NRBF2: variants seen among roughly 807,000 people sequenced by gnomAD.
The protein encoded by NRBF2 is nuclear receptor binding factor 2.
A neutral mutation model predicts 28.5 loss-of-function variants in NRBF2; 12 were observed. The ratio of observed to expected loss-of-function variants is 0.42; its 90% CI spans 0.27 to 0.68. NRBF2 has a LOEUF of 0.68. Among genes scored for constraint, NRBF2 ranks in the 30% least tolerant of loss-of-function variants. The pLI is 0.24. For missense variants in NRBF2, 274 were observed against 333.5 expected, an observed-to-expected ratio of 0.82 and a Z score of 1.39; for synonymous variants, 102 against 116.5, an observed-to-expected ratio of 0.88 and a Z score of 0.80.
intron 1 of NRBF2, among the ~76,000 whole-genome samples, chr10:63,140,762 G>A (rs1338774576): frequency 2.0e-5 from 3 of 151,076 alleles, no homozygotes; most frequent in Non-Finnish European, 4.4e-5. Context: ...GTGCAGTGGC[G>A]CAATCTCGGC....
At chr10:63,142,465 G>A (rs1589018112) in intron 1 of NRBF2, among the ~76,000 whole-genome samples, 1 of 151,772 alleles carries the variant, frequency 6.6e-6, no homozygotes, top group South Asian at 2.1e-4. Context: ...CACCATGCCC[G>A]GCCTTTTAGA....
chr10:63,151,770 A>T (rs1841653461), intron 2 of NRBF2, among the ~76,000 whole-genome samples: 1 of 152,220 alleles, frequency 6.6e-6, no homozygotes, highest in Middle Eastern at 3.2e-3. Context: ...GATTCCAGGT[A>T]TTCAGACGGA....
intron 1 of NRBF2, among the ~76,000 whole-genome samples, chr10:63,143,427 A>T (rs1425608089): frequency 6.6e-6 from 1 of 152,178 alleles, no homozygotes; most frequent in Non-Finnish European, 1.5e-5. Context: ...AAAGCATCCA[A>T]GACAAATCAT....
chr10:63,146,614 T>C (rs943294354), intron 2 of NRBF2, among the ~76,000 whole-genome samples: 7 of 152,226 alleles, frequency 4.6e-5, no homozygotes, highest in African/African-American at 9.6e-5. Flanking sequence ...GGGTTTCAAA[T>C]AGTTGGCCAT....
rs1841692859 is a variant in NRBF2, at chr10:63,154,063, G to A, written c.709G>A (p.Ala237Thr). 1 of 1,613,476 alleles carries A rather than the reference G, an allele frequency of 6.2e-7. No individual in the cohort carries two copies. Among genetic ancestry groups the A allele is most frequent in the Non-Finnish European group, 8.5e-7 (1 of 1,179,864 alleles). The change falls in exon 4 of 4, where the codon GCT (alanine) becomes ACT (threonine). Residue 237 changes from alanine (A) to threonine (T), a missense_variant. Coordinates refer to ENST00000277746, the MANE Select transcript of NRBF2 (RefSeq NM_030759.5). ...GAGCTTGCCACCACATGCAGAAACT[G>A]CTACAGCCTCCTCAACCTGGCAGAA... Reference protein sequence around the residue: ...LWSLPPHAETATASSTWQKFA... With the variant: ...LWSLPPHAETTTASSTWQKFA...
chr10:63,133,482 G>C lies in NRBF2; in HGVS notation c.12G>C (p.Met4Ile). Residue 4 changes from methionine (M) to isoleucine (I), a missense_variant, in exon 1 of 4, where the codon ATG becomes ATC. Physicochemically the swap from Met to Ile is conservative, Grantham distance 10. Coordinates refer to ENST00000277746, the MANE Select transcript of NRBF2 (RefSeq NM_030759.5). The stretch of plus-strand genomic sequence containing the variant: ...TTACCCCGGGGTCTATGGAAGTAAT[G>C]GAAGGACCCCTCAACCTGGTGAGTG... MEV[M>I]EGPLNLAHQQ... The C allele has an allele frequency of 3.7e-6, 6 of 1,611,344 alleles. No homozygotes were observed. Among genetic ancestry groups the C allele is most frequent in the Non-Finnish European group, 5.1e-6 (6 of 1,178,466 alleles).
At chr10:63,142,175 A>C (rs7920939) in intron 1 of NRBF2, among the ~76,000 whole-genome samples, 93 of 152,336 alleles carry the variant, frequency 6.1e-4, no homozygotes, top group African/African-American at 2.2e-3. Flanking sequence ...GTTAGAATGA[A>C]GTAACCTGAA....
intron 1 of NRBF2, among the ~76,000 whole-genome samples, chr10:63,136,559 A>G (rs906489761): frequency 1.5e-4 from 23 of 152,248 alleles, no homozygotes; most frequent in Admixed American, 6.5e-4. Context: ...CATCCTCGGA[A>G]CTTAGTAAGG....
At position 63,133,335 on chromosome 10, in the gene NRBF2, C is replaced by A; in HGVS notation, c.-136C>A. Reference sequence around the variant, plus strand: ...GGAAGTGGTGAGGTTGTTGCTCCTTCAGCGCCTATCGCTGGCTCTTGGGGC... The same window carrying A: ...GGAAGTGGTGAGGTTGTTGCTCCTTAAGCGCCTATCGCTGGCTCTTGGGGC... On this transcript the variant is annotated 5_prime_UTR_variant, in exon 1 of 4. Coordinates refer to ENST00000277746, the MANE Select transcript of NRBF2 (RefSeq NM_030759.5). 9.7e-7 allele frequency: 1 copy of A among 1,032,468 alleles called. No individual in the cohort carries two copies. Among genetic ancestry groups the A allele is most frequent in the South Asian group, 1.4e-5 (1 of 74,034 alleles). The allele number at this position is 1,032,468 out of a possible 1,614,324, so 64.0% of individuals were successfully genotyped here.
intron 2 of NRBF2, among the ~76,000 whole-genome samples, chr10:63,149,942 ATTTT>A (rs60700597): frequency 7.5e-6 from 1 of 133,358 alleles, no homozygotes. Flanking sequence ...GTCTCCACAG[ATTTT>A]TTTTTTTTTT....
Position 63,153,908 on chromosome 10 carries a change from T to G in NRBF2, c.554T>G (p.Leu185Arg). ...GATTTGAAGAGGCATGTGGAATTCC[T>G]TGTGGCTGAGAATGAAAGATTAAGG... The part of the protein sequence containing the change: ...IADLKRHVEF[L>R]VAENERLRKE... Residue 185 changes from leucine (L) to arginine (R), a missense_variant, in exon 4 of 4, where the codon CTT (leucine) becomes CGT (arginine). By Grantham distance (102) the Leu-to-Arg change is moderately radical. Coordinates refer to ENST00000277746, the MANE Select transcript of NRBF2 (RefSeq NM_030759.5). 1 of 1,611,998 alleles carries G rather than the reference T, an allele frequency of 6.2e-7. No individual in the cohort carries two copies. Among genetic ancestry groups the G allele is most frequent in the Non-Finnish European group, 8.5e-7 (1 of 1,179,820 alleles).
At chr10:63,141,096 T>C (rs1467216157) in intron 1 of NRBF2, among the ~76,000 whole-genome samples, 1 of 152,162 alleles carries the variant, frequency 6.6e-6, no homozygotes, top group Non-Finnish European at 1.5e-5. Flanking sequence ...GTTTTAAAAA[T>C]GAGAAGCACC....
At position 63,133,484 on chromosome 10, in the gene NRBF2, A is replaced by T; in HGVS notation, c.14A>T (p.Glu5Val). 2.5e-6 allele frequency: 4 copies of T among 1,611,188 alleles called. No homozygotes were observed. The highest frequency in any genetic ancestry group is 3.4e-6 in the Non-Finnish European group (4 of 1,178,410). The change falls in exon 1 of 4, where the codon GAA (glutamate) becomes GTA (valine). Residue 5 changes from glutamate to valine, a missense_variant. Transcript: ENST00000277746. Reference sequence around the variant, plus strand: ...ACCCCGGGGTCTATGGAAGTAATGGAAGGACCCCTCAACCTGGTGAGTGTC... The same window carrying T: ...ACCCCGGGGTCTATGGAAGTAATGGTAGGACCCCTCAACCTGGTGAGTGTC... MEVM[E>V]GPLNLAHQQS...
chr10:63,143,398 C>A (rs570466335), intron 1 of NRBF2, among the ~76,000 whole-genome samples: 1 of 152,182 alleles, frequency 6.6e-6, no homozygotes, highest in African/African-American at 2.4e-5. Context: ...TATGCAGCAT[C>A]AAAGGGACAT....
intron 1 of NRBF2, among the ~76,000 whole-genome samples, chr10:63,143,268 A>G (rs1047625382): frequency 1.3e-5 from 2 of 152,186 alleles, no homozygotes; most frequent in African/African-American, 4.8e-5. Flanking sequence ...ACAGCAAGGC[A>G]TTGCTGGAAG....
chr10:63,140,858 G>C (rs955632163), intron 1 of NRBF2, among the ~76,000 whole-genome samples: 1 of 151,998 alleles, frequency 6.6e-6, no homozygotes, highest in Non-Finnish European at 1.5e-5. Flanking sequence ...GCGCCACCAT[G>C]TCTGGCTAAT....
intron 2 of NRBF2, among the ~76,000 whole-genome samples, chr10:63,146,907 C>G (rs570862175): frequency 2.4e-4 from 37 of 152,192 alleles, no homozygotes; most frequent in Non-Finnish European, 4.6e-4. Context: ...AGTCAAGCAA[C>G]CTAGCATATG....
chr10:63,134,760 C>G (rs1483915139), intron 1 of NRBF2, among the ~76,000 whole-genome samples: 1 of 152,156 alleles, frequency 6.6e-6, no homozygotes, highest in Non-Finnish European at 1.5e-5. Context: ...CTTTAAAAGC[C>G]TAAGATTCTC....
chr10:63,149,107 G>A (rs1157065637), intron 2 of NRBF2, among the ~76,000 whole-genome samples: 1 of 152,160 alleles, frequency 6.6e-6, no homozygotes, highest in Admixed American at 6.6e-5. Context: ...AAGAGTAATA[G>A]ATGTTACTAT....
Sources: gnomAD v4.1 joint callset for allele counts (sites outside exome capture counted in the v4.1 genomes callset) on GRCh38, gnomAD v4.1.1 for gene constraint, MANE v1.5 for transcripts, NCBI Gene and HGNC (gene_info 2026-07-23, HGNC 2026-07-21) for gene names.